The following CDH13 variants were observed in gnomAD, a reference collection of about 807,000 sequenced individuals.
The protein encoded by CDH13 is cadherin-13.
CDH13 carries 24 observed loss-of-function variants against 63.8 expected under a neutral mutation model. The observed-to-expected ratio is 0.38, with a 90% CI of 0.27 to 0.53. The LOEUF is 0.53. Among genes scored for constraint, CDH13 ranks in the 20% least tolerant of loss-of-function variants. CDH13 has a pLI of 0.85. For missense variants in CDH13, 1,049 were observed against 903.1 expected (o/e 1.16, Z -2.07); for synonymous variants, 503 against 355.3 (o/e 1.42, Z -4.67).
intron 5 of CDH13, among the ~76,000 whole-genome samples, chr16:83,326,348 A>G (rs1207414570): frequency 1.3e-5 from 2 of 151,990 alleles, no homozygotes; most frequent in Non-Finnish European, 2.9e-5. Context: ...AAGGGGTAGC[A>G]TAAATCATTA....
At chr16:83,789,337 C>CTTTTTTTTTTTTTTTTTTTTTTTT (rs148503283) in intron 13 of CDH13, among the ~76,000 whole-genome samples, 2 of 132,286 alleles carry the variant, frequency 1.5e-5, no homozygotes, top group African/African-American at 3.0e-5. Context: ...TAGTAGCTTT[C>CTTTTTTTTTTTTTTTTTTTTTTTT]TTTTTTTTTG....
chr16:83,227,382 G>T (rs958874394), intron 5 of CDH13, among the ~76,000 whole-genome samples: 4 of 152,204 alleles, frequency 2.6e-5, no homozygotes, highest in African/African-American at 7.2e-5. Context: ...TGATCAGGGG[G>T]CCCTTGTGAA....
chr16:82,784,715 G>A (rs1325179415), intron 1 of CDH13, among the ~76,000 whole-genome samples: 1 of 152,170 alleles, frequency 6.6e-6, no homozygotes, highest in Non-Finnish European at 1.5e-5. Context: ...GTGAGGTGAA[G>A]GGGAAGTAGA....
At chr16:82,812,162 C>A (rs1055413495) in intron 1 of CDH13, among the ~76,000 whole-genome samples, 1 of 152,112 alleles carries the variant, frequency 6.6e-6, no homozygotes, top group African/African-American at 2.4e-5. Flanking sequence ...AACAGACTGC[C>A]TTTAGAAACT....
chr16:83,111,392 G>A (rs1239870574), intron 3 of CDH13, among the ~76,000 whole-genome samples: 1 of 152,156 alleles, frequency 6.6e-6, no homozygotes, highest in Non-Finnish European at 1.5e-5. Context: ...CCTGGGAGAG[G>A]TGACATTTAG....
chr16:82,864,449 A>G (rs1326285039), intron 2 of CDH13, among the ~76,000 whole-genome samples: 2 of 152,188 alleles, frequency 1.3e-5, no homozygotes, highest in African/African-American at 4.8e-5. Context: ...GCTTACAATC[A>G]TGGCAGAAGG....
chr16:82,779,265 A>T (rs536464617), intron 1 of CDH13, among the ~76,000 whole-genome samples: 37 of 152,238 alleles, frequency 2.4e-4, no homozygotes, highest in African/African-American at 4.8e-4. Flanking sequence ...GTTGAGGGAC[A>T]TGTCCAAGAT....
At chr16:83,153,059 CAG>C (rs1438288383) in intron 4 of CDH13, among the ~76,000 whole-genome samples, 1 of 152,302 alleles carries the variant, frequency 6.6e-6, no homozygotes, top group African/African-American at 2.4e-5. Context: ...CTTCTCAAGA[CAG>C]GGGAATTGCA....
chr16:82,890,317 G>A (rs556163012), intron 2 of CDH13, among the ~76,000 whole-genome samples: 1 of 152,258 alleles, frequency 6.6e-6, no homozygotes, highest in East Asian at 1.9e-4. Flanking sequence ...TGTATAGGCT[G>A]GAAAGACCCA....
intron 6 of CDH13, among the ~76,000 whole-genome samples, chr16:83,353,703 A>G (rs79996986): frequency 0.018 from 2,689 of 152,272 alleles, 40 homozygotes; most frequent in East Asian, 0.076. Flanking sequence ...CTCTCTAACC[A>G]TGAAGTCTTA....
chr16:83,584,769 A>G (rs760243161), intron 7 of CDH13, among the ~76,000 whole-genome samples: 9 of 152,232 alleles, frequency 5.9e-5, no homozygotes, highest in African/African-American at 1.2e-4. Flanking sequence ...TAATTGGCCC[A>G]TGGTTCTGCA....
At chr16:82,981,863 C>T (rs1267016640) in intron 2 of CDH13, among the ~76,000 whole-genome samples, 1 of 152,188 alleles carries the variant, frequency 6.6e-6, no homozygotes, top group Admixed American at 6.5e-5. Flanking sequence ...GTGTATGCTT[C>T]TCAATCTCTG....
intron 6 of CDH13, among the ~76,000 whole-genome samples, chr16:83,430,889 C>T (rs533722232): frequency 1.3e-5 from 2 of 151,876 alleles, no homozygotes; most frequent in Non-Finnish European, 2.9e-5. Flanking sequence ...CATATGTATG[C>T]ATGTGCCACA....
intron 8 of CDH13, among the ~76,000 whole-genome samples, chr16:83,668,461 G>A (rs935614954): frequency 6.6e-6 from 1 of 152,216 alleles, no homozygotes; most frequent in African/African-American, 2.4e-5. Flanking sequence ...CTGACTGGTG[G>A]TTCCCAGCAT....
At position 82,710,937 on chromosome 16, in the gene CDH13, T is replaced by G. The variant is rs952558516; in HGVS notation, c.45+83800T>G. The stretch of plus-strand genomic sequence containing the variant: ...TATTTTATAAACTGTCACCTGATTT[T>G]TTTTTTACCCCAACATTAAAAAAAA... On this transcript the variant is annotated intron_variant, in intron 1 of 13. Coordinates refer to ENST00000567109, the MANE Select transcript of CDH13 (RefSeq NM_001257.5). 2.0e-5 allele frequency among the ~76,000 whole-genome samples: 3 copies of G among 151,712 alleles called. No individual in the cohort carries two copies. The East Asian group carries it at 5.8e-4, about 29-fold the overall frequency.
rs16959701 is a variant in CDH13, at chr16:83,192,010, C to T, written c.484-25335C>T. The stretch of plus-strand genomic sequence containing the variant: ...GCAAAAGCATGTAGAATTGATATGA[C>T]GGTTAAAGGGGATAGTTAAGGCACC... On this transcript the variant is annotated intron_variant, in intron 4 of 13. Coordinates refer to ENST00000567109, the MANE Select transcript of CDH13 (RefSeq NM_001257.5). 5.1e-3 allele frequency among the ~76,000 whole-genome samples: 780 copies of T among 152,140 alleles called. 2 individuals carry two copies. Among genetic ancestry groups the T allele is most frequent in the African/African-American group, 0.016 (655 of 41,512 alleles).
intron 5 of CDH13, among the ~76,000 whole-genome samples, chr16:83,306,048 C>G (rs2089868724): frequency 6.6e-6 from 1 of 152,166 alleles, no homozygotes; most frequent in African/African-American, 2.4e-5. Context: ...CCCTTTACTG[C>G]ACCCCCTAGA....
At chr16:83,606,436 C>T (rs866057705) in intron 8 of CDH13, among the ~76,000 whole-genome samples, 35 of 152,108 alleles carry the variant, frequency 2.3e-4, no homozygotes, top group African/African-American at 8.0e-4. Context: ...GTTTCTCTCA[C>T]TTAAAAGTTT....
Position 82,743,452 on chromosome 16 carries a change from C to T in CDH13, c.46-114910C>T, listed in dbSNP as rs551477747. ...CCGTATTGCCCAGGATAGTCTCAAA[C>T]GATCCACTCACCCACTTCAGCCTCC... On this transcript the variant is annotated intron_variant, in intron 1 of 13. Coordinates refer to ENST00000567109, the MANE Select transcript of CDH13 (RefSeq NM_001257.5). Among the ~76,000 whole-genome samples the T allele has an allele frequency of 9.9e-5, 15 of 152,258 alleles. No homozygotes were observed. The East Asian group carries it at 1.7e-3, about 18-fold the overall frequency.
Sources: gnomAD v4.1 joint callset for allele counts (sites outside exome capture counted in the v4.1 genomes callset) on GRCh38, gnomAD v4.1.1 for gene constraint, MANE v1.5 for transcripts, NCBI Gene and HGNC (gene_info 2026-07-23, HGNC 2026-07-21) for gene names.